Variants in UGT1A9 observed in about 807,000 individuals in gnomAD.
UGT1A9 encodes UDP-glucuronosyltransferase 1A9.
Under a neutral mutation model 45.0 loss-of-function variants are expected in UGT1A9, and 35 were observed. The observed-to-expected ratio is 0.78, with a 90% CI of 0.59 to 1.03. The LOEUF (loss-of-function observed/expected upper bound fraction) is 1.03. Ranked by LOEUF, UGT1A9 falls within the 50% of genes least tolerant of loss-of-function variation. The pLI is 0.00. For missense variants in UGT1A9, 687 were observed against 666.6 expected (o/e 1.03, Z -0.34); for synonymous variants, 278 against 250.6 (o/e 1.11, Z -1.03).
At chr2:233,732,356 G>A (rs946467388) in intron 1 of UGT1A9, among the ~76,000 whole-genome samples, 35 of 152,232 alleles carry the variant, frequency 2.3e-4, no homozygotes, top group Non-Finnish European at 4.6e-4. Context: ...TAGTCATGAA[G>A]TCCTGGCCCA....
intron 1 of UGT1A9, among the ~76,000 whole-genome samples, chr2:233,759,493 G>T (rs1697150879): frequency 6.6e-6 from 1 of 152,220 alleles, no homozygotes; most frequent in South Asian, 2.1e-4. Flanking sequence ...GCTCTTTCAG[G>T]TTCACACTAA....
At chr2:233,709,286 A>T (rs949787722) in intron 1 of UGT1A9, among the ~76,000 whole-genome samples, 3 of 152,102 alleles carry the variant, frequency 2.0e-5, no homozygotes, top group Admixed American at 2.0e-4. Context: ...TTACCCTTCA[A>T]TTAATGATAT....
At chr2:233,764,627 A>C (rs2126011336) in intron 1 of UGT1A9, among the ~76,000 whole-genome samples, 1 of 152,212 alleles carries the variant, frequency 6.6e-6, no homozygotes, top group South Asian at 2.1e-4. Flanking sequence ...CATGAAGAGC[A>C]AAGGTCCTAG....
chr2:233,732,117 C>A (rs2078240109), intron 1 of UGT1A9, among the ~76,000 whole-genome samples: 1 of 144,304 alleles, frequency 6.9e-6, no homozygotes, highest in Non-Finnish European at 1.5e-5. Context: ...CCTTTGCCCA[C>A]TTTTTGATGA....
intron 1 of UGT1A9, among the ~76,000 whole-genome samples, chr2:233,759,584 C>T (rs1003659930): frequency 4.0e-5 from 6 of 149,692 alleles, no homozygotes; most frequent in Non-Finnish European, 3.0e-5. Flanking sequence ...TACCCCAGCA[C>T]GCCCCCCACC....
At chr2:233,755,148 T>TAGC in intron 1 of UGT1A9, 2 of 1,299,464 alleles carry the variant, frequency 1.5e-6, no homozygotes, top group East Asian at 9.2e-5. Context: ...TCTCACCGCT[T>TAGC]CCTCCCTGTC....
chr2:233,763,329 T>A (rs752568926), intron 1 of UGT1A9, among the ~76,000 whole-genome samples: 30 of 152,234 alleles, frequency 2.0e-4, no homozygotes, highest in Non-Finnish European at 3.5e-4. Context: ...ATTATTTTTG[T>A]TTACATTTCC....
At chr2:233,678,181 G>C (rs2074410927) in intron 1 of UGT1A9, among the ~76,000 whole-genome samples, 1 of 152,150 alleles carries the variant, frequency 6.6e-6, no homozygotes, top group South Asian at 2.1e-4. Flanking sequence ...GAGAGGAAAG[G>C]CTGCAAGAGT....
chr2:233,754,935 A>G, intron 1 of UGT1A9: 2 of 1,340,028 alleles, frequency 1.5e-6, no homozygotes, highest in Non-Finnish European at 2.0e-6. Context: ...CAAGAGGTCA[A>G]AGGAGAATGG....
At chr2:233,700,394 T>C (rs1004610351) in intron 1 of UGT1A9, among the ~76,000 whole-genome samples, 4 of 152,194 alleles carry the variant, frequency 2.6e-5, no homozygotes, top group African/African-American at 9.7e-5. Context: ...ATGTGGAACA[T>C]TTTGGCAGCA....
In UGT1A9 at chr2:233,698,539, C is replaced by T. The variant is rs1245091014; in HGVS notation, c.855+25750C>T. On this transcript the variant is annotated intron_variant, in intron 1 of 4. Coordinates refer to ENST00000354728, the MANE Select transcript of UGT1A9 (RefSeq NM_021027.3). ...GGCAATACATAAAGTAAACAGAACA[C>T]GAGTGGCCAACAAAACTTTAAGAAC... Among the ~76,000 whole-genome samples the T allele has an allele frequency of 5.3e-5, 8 of 152,144 alleles. No homozygotes were observed. The East Asian group carries it at 9.6e-4, about 18-fold the overall frequency.
chr2:233,716,991 C>T (rs976570789), intron 1 of UGT1A9, among the ~76,000 whole-genome samples: 2 of 152,184 alleles, frequency 1.3e-5, no homozygotes, highest in African/African-American at 2.4e-5. Flanking sequence ...TCCTGCTGTC[C>T]TCAGGGCCCC....
At chr2:233,758,396 C>T (rs560244610) in intron 1 of UGT1A9, among the ~76,000 whole-genome samples, 1 of 152,294 alleles carries the variant, frequency 6.6e-6, no homozygotes, top group South Asian at 2.1e-4. Flanking sequence ...GTGTTTATAG[C>T]CCCTTTACTG....
At chr2:233,678,849 T>G (rs1425238084) in intron 1 of UGT1A9, among the ~76,000 whole-genome samples, 1 of 152,236 alleles carries the variant, frequency 6.6e-6, no homozygotes, top group Non-Finnish European at 1.5e-5. Context: ...CCCAACATTT[T>G]GTTGCTGTAT....
intron 1 of UGT1A9, among the ~76,000 whole-genome samples, chr2:233,749,386 A>T (rs1303750912): frequency 1.3e-5 from 2 of 151,906 alleles, no homozygotes; most frequent in African/African-American, 2.4e-5. Context: ...CAGTTTTTCA[A>T]TGTGAACATA....
chr2:233,674,776 G>A (rs767228184), intron 1 of UGT1A9, among the ~76,000 whole-genome samples: 34 of 152,132 alleles, frequency 2.2e-4, no homozygotes, highest in Non-Finnish European at 4.4e-5. Flanking sequence ...TAAAGCCAGC[G>A]GAGTTCTCAC....
chr2:233,690,453 T>C lies in UGT1A9; in HGVS notation c.855+17664T>C, dbSNP rs2074990875. ...CTTTGGGTCTCTCCTCTATTCAAAA[T>C]GCCAGCTATCCTCCATTTACTTTTT... On this transcript the variant is annotated intron_variant, in intron 1 of 4. Transcript: ENST00000354728. 3.1e-6 allele frequency: 4 copies of C among 1,287,960 alleles called. No homozygotes were observed. The South Asian group carries it at 5.0e-5, about 16-fold the overall frequency. 79.8% of individuals were successfully genotyped at this position (1,287,960 alleles called of 1,614,324 possible).
At chr2:233,744,382 C>T (rs1464518756) in intron 1 of UGT1A9, among the ~76,000 whole-genome samples, 13 of 151,968 alleles carry the variant, frequency 8.6e-5, no homozygotes, top group Non-Finnish European at 1.3e-4. Flanking sequence ...AGTTCTCCAA[C>T]GTTCCAGCCC....
intron 1 of UGT1A9, chr2:233,754,939 A>G: frequency 7.5e-7 from 1 of 1,337,054 alleles, no homozygotes; most frequent in Non-Finnish European, 1.0e-6. Context: ...AGGTCAAAGG[A>G]GAATGGGTCC....
Sources: gnomAD v4.1 joint callset for allele counts (sites outside exome capture counted in the v4.1 genomes callset) on GRCh38, gnomAD v4.1.1 for gene constraint, MANE v1.5 for transcripts, NCBI Gene and HGNC (gene_info 2026-07-23, HGNC 2026-07-21) for gene names.